PRIM2: variants seen among roughly 807,000 people sequenced by gnomAD.
PRIM2 encodes DNA primase large subunit.
Under a neutral mutation model 67.3 loss-of-function variants are expected in PRIM2, and 39 were observed. The ratio of observed to expected loss-of-function variants is 0.58; its 90% confidence interval spans 0.45 to 0.76. The LOEUF is 0.76. Among genes scored for constraint, PRIM2 ranks in the 30% least tolerant of loss-of-function variants. PRIM2 has a pLI of 0.00. For missense variants in PRIM2, 398 were observed against 598.7 expected (o/e 0.66, Z 3.50); for synonymous variants, 143 against 198.7 (o/e 0.72, Z 2.36).
the PRIM2 span, among the ~76,000 whole-genome samples, chr6:57,260,195 T>G: frequency 1.3e-5 from 2 of 152,190 alleles, no homozygotes; most frequent in Admixed American, 6.5e-5. Flanking sequence ...TCTTTGCATT[T>G]AAGAAGTAGA....
intron 2 of PRIM2, among the ~76,000 whole-genome samples, chr6:57,318,805 A>G (rs1767559688): frequency 6.6e-6 from 1 of 152,154 alleles, no homozygotes; most frequent in Non-Finnish European, 1.5e-5. Flanking sequence ...TGTACAATGC[A>G]TATTATTGAG....
At chr6:57,272,613 T>C in the PRIM2 span, among the ~76,000 whole-genome samples, 1 of 152,208 alleles carries the variant, frequency 6.6e-6, no homozygotes, top group Non-Finnish European at 1.5e-5. Context: ...ATTGAGGCAT[T>C]TAGTCCATTT....
At chr6:57,460,084 T>C (rs1469106901) in intron 7 of PRIM2, among the ~76,000 whole-genome samples, 1 of 152,058 alleles carries the variant, frequency 6.6e-6, no homozygotes, top group Non-Finnish European at 1.5e-5. Flanking sequence ...TTTGATGTTG[T>C]ATGGTGGGGG....
upstream of PRIM2, chr6:57,315,038 A>AT (rs773054506): frequency 6.6e-6 from 1 of 152,228 alleles, no homozygotes; most frequent in Non-Finnish European, 1.5e-5. Flanking sequence ...AAAGGCAGCT[A>AT]TTATGTGACA....
At chr6:57,418,657 C>CGGT (rs1771362880) in intron 7 of PRIM2, among the ~76,000 whole-genome samples, 1 of 151,844 alleles carries the variant, frequency 6.6e-6, no homozygotes, top group Middle Eastern at 3.2e-3. Flanking sequence ...GCCTCGGCCT[C>CGGT]CCAAAGTGCT....
At chr6:57,335,367 A>G in intron 5 of PRIM2, among the ~76,000 whole-genome samples, 2 of 152,244 alleles carry the variant, frequency 1.3e-5, no homozygotes, top group Non-Finnish European at 2.9e-5. Flanking sequence ...ACCACAGCTC[A>G]AGGAGGCCTG....
intron 4 of PRIM2, 54 bp downstream of exon 4, chr6:57,324,334 T>C: frequency 1.8e-6 from 2 of 1,139,194 alleles, no homozygotes; most frequent in Non-Finnish European, 2.6e-6. Flanking sequence ...GGTTATAAAT[T>C]GGTGTGTGGT....
intron 10 of PRIM2, among the ~76,000 whole-genome samples, chr6:57,600,603 G>T (rs1776446531): frequency 6.6e-6 from 1 of 152,046 alleles, no homozygotes; most frequent in Non-Finnish European, 1.5e-5. Context: ...CGATCCTCTT[G>T]TCTAAGCCTC....
At chr6:57,342,398 A>G (rs1321809088) in intron 5 of PRIM2, among the ~76,000 whole-genome samples, 1 of 152,104 alleles carries the variant, frequency 6.6e-6, no homozygotes, top group Admixed American at 6.6e-5. Flanking sequence ...TTAAAGGTGA[A>G]TGGGTAAGGT....
At chr6:57,360,913 G>C (rs957775519) in intron 5 of PRIM2, among the ~76,000 whole-genome samples, 4 of 152,116 alleles carry the variant, frequency 2.6e-5, no homozygotes, top group Admixed American at 2.6e-4. Flanking sequence ...CAATAAGATG[G>C]ATCTAAAATG....
chr6:57,385,610 G>A (rs1457787689), intron 7 of PRIM2, among the ~76,000 whole-genome samples: 6 of 152,062 alleles, frequency 3.9e-5, no homozygotes, highest in Non-Finnish European at 7.4e-5. Context: ...CATTCCACAG[G>A]CAATTTTAAT....
chr6:57,244,308 A>G, the PRIM2 span, among the ~76,000 whole-genome samples: 1 of 152,216 alleles, frequency 6.6e-6, no homozygotes, highest in Non-Finnish European at 1.5e-5. Flanking sequence ...TGTATCTCCC[A>G]GTTTGCAAAC....
At chr6:57,613,033 A>G (rs1363807065) in intron 12 of PRIM2, among the ~76,000 whole-genome samples, 1 of 152,070 alleles carries the variant, frequency 6.6e-6, no homozygotes, top group Non-Finnish European at 1.5e-5. Context: ...TGGCTCAAGC[A>G]GTCCTGTCAC....
At chr6:57,594,691 G>C (rs1267018623) in intron 10 of PRIM2, among the ~76,000 whole-genome samples, 16 of 152,230 alleles carry the variant, frequency 1.1e-4, no homozygotes, top group Admixed American at 9.2e-4. Context: ...TCAGGACCTA[G>C]ACTTAAAAGC....
rs766176922 is a variant in PRIM2, at chr6:57,326,105, T to G, written c.459+60T>G. 3.5e-5 allele frequency: 55 copies of G among 1,584,078 alleles called. 1 individual carries two copies. The Middle Eastern group carries it at 8.4e-4, about 24-fold the overall frequency. On this transcript the variant is annotated intron_variant, in intron 5 of 13. Transcript: ENST00000615550. ...TCACCATTCATTTTTCCCTTCTGTCTTAAGTGCTGGTACTAATGTGTAGTG... is the reference window on the plus strand; with the variant it reads ...TCACCATTCATTTTTCCCTTCTGTCGTAAGTGCTGGTACTAATGTGTAGTG...
chr6:57,260,272 G>C, the PRIM2 span, among the ~76,000 whole-genome samples: 1 of 152,168 alleles, frequency 6.6e-6, no homozygotes, highest in Non-Finnish European at 1.5e-5. Context: ...TGTCTGACAT[G>C]TCTTAATGTA....
At chr6:57,549,895 G>A (rs1235192694) in intron 10 of PRIM2, among the ~76,000 whole-genome samples, 6 of 152,146 alleles carry the variant, frequency 3.9e-5, no homozygotes, top group Admixed American at 2.0e-4. Flanking sequence ...AGACCAGCCT[G>A]ACCAACATGG....
chr6:57,418,728 A>G (rs1771365003), intron 7 of PRIM2, among the ~76,000 whole-genome samples: 1 of 151,960 alleles, frequency 6.6e-6, no homozygotes, highest in Non-Finnish European at 1.5e-5. Flanking sequence ...ATTCTTATTA[A>G]TTCATTAAAT....
intron 7 of PRIM2, among the ~76,000 whole-genome samples, chr6:57,459,721 A>T (rs1478381137): frequency 6.6e-6 from 1 of 152,184 alleles, no homozygotes; most frequent in Non-Finnish European, 1.5e-5. Flanking sequence ...TTCCTTCTTC[A>T]AAAACATGTT....
Sources: allele counts gnomAD v4.1 joint callset (sites outside exome capture counted in the v4.1 genomes callset), GRCh38; gene constraint gnomAD v4.1.1; transcripts MANE v1.5; gene names NCBI Gene and HGNC (gene_info 2026-07-23, HGNC 2026-07-21).